MSRB2: variants seen among roughly 807,000 people sequenced by gnomAD.
The protein encoded by MSRB2 is methionine-R-sulfoxide reductase B2, mitochondrial.
In MSRB2, 17 loss-of-function variants were observed where a neutral mutation model predicts 19.0. That is an observed-to-expected ratio of 0.89 (90% CI 0.61 to 1.34). MSRB2 has a LOEUF of 1.34. Ranked by LOEUF, MSRB2 falls within the 40% of genes most tolerant of loss-of-function variation. The pLI is 0.00. For missense variants in MSRB2, 208 were observed against 237.6 expected, an observed-to-expected ratio of 0.88 and a Z score of 0.82; for synonymous variants, 107 against 99.7, an observed-to-expected ratio of 1.07 and a Z score of -0.44.
chr10:23,120,977 C>A lies in MSRB2; in HGVS notation c.*115C>A. 2.7e-6 allele frequency: 2 copies of A among 729,446 alleles called. No individual in the cohort carries two copies. Among genetic ancestry groups the A allele is most frequent in the South Asian group, 1.8e-5 (1 of 55,568 alleles). The allele number at this position is 729,446 out of a possible 1,614,324, so 45.2% of individuals were successfully genotyped here. A position where few individuals can be genotyped will look rare whatever the true frequency, so the allele number is the denominator to read the frequency against. On this transcript the variant is annotated 3_prime_UTR_variant, in exon 5 of 5. Transcript: ENST00000376510. The stretch of plus-strand genomic sequence containing the variant: ...AAAACTGGGCTGAATTTGCTGCTGT[C>A]TCCAGCGAGTCATTGCTTCTCTTAA...
intron 1 of MSRB2, among the ~76,000 whole-genome samples, chr10:23,096,810 A>G (rs1317747493): frequency 6.6e-6 from 1 of 152,192 alleles, no homozygotes; most frequent in Non-Finnish European, 1.5e-5. Flanking sequence ...CAAGCATTGT[A>G]TTGCTGAGAA....
chr10:23,121,031 G>A lies in MSRB2; in HGVS notation c.*169G>A. ...ATTTACCTGGAATCAACTTAATCCT[G>A]TGTGTTAGGCTGTTCTTGTGTTGCT... On this transcript the variant is annotated 3_prime_UTR_variant, in exon 5 of 5. Coordinates refer to ENST00000376510, the MANE Select transcript of MSRB2 (RefSeq NM_012228.4). 1.7e-6 allele frequency: 1 copy of A among 593,634 alleles called. No individual in the cohort carries two copies. The highest frequency in any genetic ancestry group is 3.0e-6 in the Non-Finnish European group (1 of 333,062). 36.8% of individuals were successfully genotyped at this position (593,634 alleles called of 1,614,324 possible).
At chr10:23,098,427 G>C (rs1839890739) in intron 1 of MSRB2, among the ~76,000 whole-genome samples, 1 of 152,344 alleles carries the variant, frequency 6.6e-6, no homozygotes, top group East Asian at 1.9e-4. Flanking sequence ...AGCACACAGA[G>C]AGAAGGGAAC....
intron 1 of MSRB2, among the ~76,000 whole-genome samples, chr10:23,098,244 T>A (rs1839888290): frequency 6.6e-6 from 1 of 152,162 alleles, no homozygotes; most frequent in South Asian, 2.1e-4. Flanking sequence ...TGGAGTGGGC[T>A]TATGTGTGAC....
At chr10:23,117,936 T>A (rs909433901) in intron 3 of MSRB2, among the ~76,000 whole-genome samples, 4 of 152,330 alleles carry the variant, frequency 2.6e-5, no homozygotes, top group Middle Eastern at 3.4e-3. Flanking sequence ...AAGGAAATGC[T>A]CACTGGAGTA....
intron 1 of MSRB2, among the ~76,000 whole-genome samples, chr10:23,096,340 CTCTCTCTCTCTCTGTGTGTG>C: frequency 1.2e-5 from 1 of 81,334 alleles, no homozygotes; most frequent in Admixed American, 1.3e-4. Context: ...GTGTGTGTGT[CTCTCTCTCTCTCTGTGTGTG>C]TGTGTGTGTG....
At chr10:23,109,145 C>T (rs968757017) in intron 2 of MSRB2, among the ~76,000 whole-genome samples, 4 of 152,254 alleles carry the variant, frequency 2.6e-5, no homozygotes, top group Non-Finnish European at 4.4e-5. Context: ...TGCCTGCCGC[C>T]AGGCCCTGTG....
intron 4 of MSRB2, 73 bp downstream of exon 4, chr10:23,119,524 C>A: frequency 1.3e-6 from 2 of 1,539,352 alleles, no homozygotes; most frequent in African/African-American, 1.4e-5. Flanking sequence ...TTGTTCTTGG[C>A]AAATCTGGTG....
At chr10:23,114,642 C>G (rs1018208800) in intron 3 of MSRB2, among the ~76,000 whole-genome samples, 8 of 152,352 alleles carry the variant, frequency 5.3e-5, no homozygotes, top group African/African-American at 1.9e-4. Context: ...TGAAGGAGCC[C>G]TCTGGGCACG....
chr10:23,112,164 GT>G (rs1308978329), intron 3 of MSRB2, among the ~76,000 whole-genome samples: 1 of 152,188 alleles, frequency 6.6e-6, no homozygotes, highest in Admixed American at 6.5e-5. Flanking sequence ...ATTTGTTTTT[GT>G]GTAACCATTT....
intron 1 of MSRB2, among the ~76,000 whole-genome samples, chr10:23,103,892 T>G (rs1839955182): frequency 6.6e-6 from 1 of 152,190 alleles, no homozygotes; most frequent in Non-Finnish European, 1.5e-5. Context: ...GCTGCCTCTT[T>G]CACTTCTGTG....
chr10:23,109,399 C>A (rs906636688), intron 2 of MSRB2, among the ~76,000 whole-genome samples: 1 of 152,054 alleles, frequency 6.6e-6, no homozygotes, highest in African/African-American at 2.4e-5. Flanking sequence ...AAAAATTAGC[C>A]AGGCGTGGTG....
At chr10:23,108,146 T>C (rs1194189956) in intron 2 of MSRB2, among the ~76,000 whole-genome samples, 3 of 151,988 alleles carry the variant, frequency 2.0e-5, no homozygotes, top group Non-Finnish European at 2.9e-5. Context: ...TTAGTAGAGA[T>C]GGGGTTTCAC....
chr10:23,117,641 C>T (rs1205795504), intron 3 of MSRB2, among the ~76,000 whole-genome samples: 3 of 152,238 alleles, frequency 2.0e-5, no homozygotes, highest in South Asian at 2.1e-4. Context: ...GACAGAGTCT[C>T]GCTCTGTTGA....
At chr10:23,117,425 T>C (rs913670180) in intron 3 of MSRB2, among the ~76,000 whole-genome samples, 1 of 152,234 alleles carries the variant, frequency 6.6e-6, no homozygotes, top group Admixed American at 6.5e-5. Flanking sequence ...TGTCTTTTTT[T>C]TAAGCCGGAT....
chr10:23,110,301 C>T lies in MSRB2; in HGVS notation c.279C>T (p.Cys93=), dbSNP rs751083342. 13 of 1,613,486 alleles carry T rather than the reference C, an allele frequency of 8.1e-6. No individual in the cohort carries two copies. The highest frequency in any genetic ancestry group is 2.2e-5 in the South Asian group (2 of 91,032). The change falls in exon 3 of 5, where the codon TGC becomes TGT. Residue 93 remains cysteine (C), a synonymous_variant. Coordinates refer to ENST00000376510, the MANE Select transcript of MSRB2 (RefSeq NM_012228.4). ...CAGGAATGTATCATTGCGTGTGCTG[C>T]GACAGTCCACTCTTCAGGTAAGATA... ...KEAGMYHCVC[C]DSPLFSSEKK... is the part of the protein sequence containing the mutation.
At chr10:23,110,220 G>T in intron 2 of MSRB2, 22 bp from the exon 3 acceptor site, 1 of 1,592,818 alleles carries the variant, frequency 6.3e-7, no homozygotes, top group South Asian at 1.1e-5. Flanking sequence ...ATCTGAACAT[G>T]ACATATCTAA....
rs144653384 is a variant in MSRB2 at position 23,096,352 on chromosome 10, C to CTCTCTGTGTGTGTGTGTGTGTGTGTGTG, written c.118+627_118+628insCTCTGTGTGTGTGTGTGTGTGTGTGTGT. On this transcript the variant is annotated intron_variant, in intron 1 of 4. Coordinates refer to ENST00000376510, the MANE Select transcript of MSRB2 (RefSeq NM_012228.4). ...TGTGTGTGTGTGTCTCTCTCTCTCTCTGTGTGTGTGTGTGTGTGTGTTTCT... is the reference window on the plus strand; with the variant it reads ...TGTGTGTGTGTGTCTCTCTCTCTCTCTCTCTGTGTGTGTGTGTGTGTGTGTGTGTGTGTGTGTGTGTGTGTGTGTTTCT... 2.4e-3 allele frequency among the ~76,000 whole-genome samples: 336 copies of CTCTCTGTGTGTGTGTGTGTGTGTGTGTG among 142,826 alleles called. 1 individual carries two copies. Among genetic ancestry groups the CTCTCTGTGTGTGTGTGTGTGTGTGTGTG allele is most frequent in the African/African-American group, 2.7e-3 (97 of 36,572 alleles). 93.7% of individuals were successfully genotyped at this position (142,826 alleles called of 152,430 possible). A position where few individuals can be genotyped will look rare whatever the true frequency, so the allele number is the denominator to read the frequency against.
At chr10:23,119,021 T>A (rs1588972383) in intron 3 of MSRB2, 1 of 547,204 alleles carries the variant, frequency 1.8e-6, no homozygotes, top group East Asian at 4.5e-5. Flanking sequence ...TGCAACACAG[T>A]TCACAAAACA....
Sources: gnomAD v4.1 joint callset for allele counts (sites outside exome capture counted in the v4.1 genomes callset) on GRCh38, gnomAD v4.1.1 for gene constraint, MANE v1.5 for transcripts, NCBI Gene and HGNC (gene_info 2026-07-23, HGNC 2026-07-21) for gene names.